The following NRXN3 variants were observed in gnomAD, a reference collection of about 807,000 sequenced individuals.
The protein encoded by NRXN3 is neurexin III.
In NRXN3, 32 loss-of-function variants were observed where a neutral mutation model predicts 137.6. The ratio of observed to expected loss-of-function variants is 0.23; its 90% CI spans 0.18 to 0.31. The LOEUF is 0.31. Ranked by LOEUF, NRXN3 falls within the 10% of genes least tolerant of loss-of-function variation. NRXN3 has a pLI of 1.00. For synonymous variants in NRXN3, 798 were observed against 784.5 expected (o/e 1.02, Z -0.29); for missense variants, 1,574 against 2,062.5 (o/e 0.76, Z 4.59).
At chr14:79,416,152 G>A (rs2095493808) in intron 15 of NRXN3, among the ~76,000 whole-genome samples, 1 of 152,012 alleles carries the variant, frequency 6.6e-6, no homozygotes, top group Admixed American at 6.6e-5. Flanking sequence ...ACCCAACACA[G>A]GGCAAGGGTA....
At chr14:78,593,191 C>A (rs2097131468) in intron 4 of NRXN3, among the ~76,000 whole-genome samples, 1 of 152,188 alleles carries the variant, frequency 6.6e-6, no homozygotes, top group African/African-American at 2.4e-5. Flanking sequence ...ATATTGAACA[C>A]CCTGTGAAGA....
chr14:79,473,764 G>T (rs921018957), intron 16 of NRXN3, among the ~76,000 whole-genome samples: 3 of 146,724 alleles, frequency 2.0e-5, no homozygotes, highest in African/African-American at 7.6e-5. Flanking sequence ...TAGTGAAAAA[G>T]ACCTCTTTGG....
At chr14:78,318,244 G>A (rs1197013515) in intron 4 of NRXN3, among the ~76,000 whole-genome samples, 2 of 152,200 alleles carry the variant, frequency 1.3e-5, no homozygotes, top group African/African-American at 4.8e-5. Flanking sequence ...TGTGGAATCA[G>A]GGACTCAGCA....
At chr14:79,627,666 T>C (rs2098297251) in intron 16 of NRXN3, among the ~76,000 whole-genome samples, 1 of 152,220 alleles carries the variant, frequency 6.6e-6, no homozygotes, top group African/African-American at 2.4e-5. Flanking sequence ...CATCCAGATT[T>C]TACCACTTAC....
chr14:79,516,339 C>T (rs1261007987), intron 16 of NRXN3, among the ~76,000 whole-genome samples: 4 of 152,092 alleles, frequency 2.6e-5, no homozygotes, highest in African/African-American at 7.2e-5. Context: ...TCAATCACTG[C>T]CTGGGGCAGA....
intron 15 of NRXN3, among the ~76,000 whole-genome samples, chr14:79,242,764 G>T (rs1282691945): frequency 6.6e-6 from 1 of 152,134 alleles, no homozygotes; most frequent in Non-Finnish European, 1.5e-5. Flanking sequence ...TGCTGGGACT[G>T]CACAACCCAA....
rs370045315 is a variant in NRXN3 at position 78,815,009 on chromosome 14, A to G, written c.2275+4665A>G. Among the ~76,000 whole-genome samples, 19 of 152,300 alleles carry G rather than the reference A, an allele frequency of 1.2e-4. No homozygotes were observed. In the East Asian group the frequency reaches 2.9e-3, roughly 23 times the overall value. On this transcript the variant is annotated intron_variant, in intron 10 of 20. Coordinates refer to ENST00000335750, the MANE Select transcript of NRXN3 (RefSeq NM_001330195.2). ...CTTTTTCTATTTCTCTTTCCTCTCA[A>G]ACGCTAATTCTTCTGTGTTGTGGCC...
intron 8 of NRXN3, among the ~76,000 whole-genome samples, chr14:78,754,906 G>C (rs1479406543): frequency 6.7e-6 from 1 of 148,452 alleles, no homozygotes; most frequent in African/African-American, 2.5e-5. Context: ...ATATGCTTTT[G>C]GAGGTTTTCC....
chr14:78,675,202 C>T (rs200743776), intron 6 of NRXN3, among the ~76,000 whole-genome samples: 2 of 152,118 alleles, frequency 1.3e-5, no homozygotes, highest in East Asian at 1.9e-4. Flanking sequence ...TTCTTTGCAC[C>T]TCACCTTCCT....
At chr14:79,165,466 G>C (rs1399972602) in intron 15 of NRXN3, among the ~76,000 whole-genome samples, 1 of 151,886 alleles carries the variant, frequency 6.6e-6, no homozygotes, top group Non-Finnish European at 1.5e-5. Context: ...TAAAGAAAAG[G>C]TTCCACTCTC....
chr14:79,494,621 A>G (rs150109610), intron 16 of NRXN3, among the ~76,000 whole-genome samples: 1,549 of 152,250 alleles, frequency 0.01, 25 homozygotes, highest in African/African-American at 0.035. Flanking sequence ...GTCAGTTTAT[A>G]TATGTAGTCT....
intron 4 of NRXN3, among the ~76,000 whole-genome samples, chr14:78,365,934 C>T (rs719056): frequency 0.99 from 150,658 of 152,298 alleles, 74,534 homozygotes; most frequent in East Asian, 1. Context: ...ATATAATGTT[C>T]GGGAAAGTTG....
chr14:78,599,041 A>G (rs975689939), intron 4 of NRXN3, among the ~76,000 whole-genome samples: 1 of 152,232 alleles, frequency 6.6e-6, no homozygotes, highest in African/African-American at 2.4e-5. Context: ...GCAATAATAC[A>G]AGAGGATTAA....
intron 15 of NRXN3, among the ~76,000 whole-genome samples, chr14:79,087,016 A>T (rs1003499356): frequency 6.6e-6 from 1 of 152,184 alleles, no homozygotes; most frequent in Non-Finnish European, 1.5e-5. Context: ...TTTACAGCAG[A>T]CACACCTGAA....
intron 8 of NRXN3, among the ~76,000 whole-genome samples, chr14:78,744,220 C>T (rs2098596354): frequency 6.6e-6 from 1 of 152,184 alleles, no homozygotes; most frequent in Non-Finnish European, 1.5e-5. Context: ...CAGTTCACTG[C>T]AGCCTCCGCC....
chr14:78,431,762 G>T (rs193118166), intron 4 of NRXN3, among the ~76,000 whole-genome samples: 161 of 152,192 alleles, frequency 1.1e-3, no homozygotes, highest in South Asian at 3.1e-3. Context: ...AATAATAATA[G>T]CAATATTTGA....
At chr14:78,179,258 G>A (rs1019883393) in intron 1 of NRXN3, among the ~76,000 whole-genome samples, 7 of 152,052 alleles carry the variant, frequency 4.6e-5, no homozygotes, top group East Asian at 3.9e-4. Context: ...GGGAATGAGC[G>A]GGATCCCCCA....
chr14:78,679,377 C>A (rs945583697), intron 6 of NRXN3, among the ~76,000 whole-genome samples: 1 of 151,904 alleles, frequency 6.6e-6, no homozygotes, highest in Admixed American at 6.6e-5. Flanking sequence ...TTGTGTTAGT[C>A]TTTTTCTTAC....
chr14:79,458,434 T>C (rs1483697505), intron 15 of NRXN3, among the ~76,000 whole-genome samples: 1 of 152,184 alleles, frequency 6.6e-6, no homozygotes, highest in Non-Finnish European at 1.5e-5. Context: ...ATGAACATTG[T>C]ATATTCTTAT....
Sources: gnomAD v4.1 joint callset for allele counts (sites outside exome capture counted in the v4.1 genomes callset) on GRCh38, gnomAD v4.1.1 for gene constraint, MANE v1.5 for transcripts, NCBI Gene and HGNC (gene_info 2026-07-23, HGNC 2026-07-21) for gene names.